The following TRDN variants were observed in gnomAD, a reference collection of about 807,000 sequenced individuals.
TRDN encodes the protein triadin.
A neutral mutation model predicts 149.7 loss-of-function variants in TRDN; 161 were observed. The observed-to-expected ratio is 1.08, with a 90% CI of 0.95 to 1.23. TRDN has a LOEUF of 1.23. Among genes scored for constraint, TRDN ranks in the 50% most tolerant of loss-of-function variants. The pLI, the probability that TRDN is intolerant of heterozygous loss-of-function variation, is 0.00. For missense variants in TRDN, 896 were observed against 823.5 expected, an observed-to-expected ratio of 1.09 and a Z score of -1.08; for synonymous variants, 294 against 250.5, an observed-to-expected ratio of 1.17 and a Z score of -1.64.
At chr6:123,267,831 C>G in intron 31 of TRDN, 80 bp from the exon 32 acceptor site, 7 of 1,112,602 alleles carry the variant, frequency 6.3e-6, no homozygotes, top group Non-Finnish European at 8.8e-6. Flanking sequence ...TGCAAGTGAT[C>G]CTCAGTTTAC....
At chr6:123,257,761 C>A (rs532711884) in intron 35 of TRDN, among the ~76,000 whole-genome samples, 8 of 152,262 alleles carry the variant, frequency 5.3e-5, no homozygotes, top group African/African-American at 1.4e-4. Context: ...TTCTTCCTGT[C>A]CATGAGCATG....
chr6:123,305,369 C>A (rs1778569714), intron 24 of TRDN, among the ~76,000 whole-genome samples: 1 of 152,066 alleles, frequency 6.6e-6, no homozygotes, highest in South Asian at 2.1e-4. Context: ...TAGATTGTAA[C>A]TCTATATATC....
chr6:123,352,169 C>T, intron 21 of TRDN: 1 of 980,598 alleles, frequency 1.0e-6, no homozygotes, highest in Non-Finnish European at 1.2e-6. Flanking sequence ...TAGGATTGGG[C>T]CATCTTTATT....
intron 16 of TRDN, among the ~76,000 whole-genome samples, chr6:123,379,220 A>G (rs1236899105): frequency 6.6e-6 from 1 of 152,204 alleles, no homozygotes; most frequent in Admixed American, 6.5e-5. Flanking sequence ...TGCTACGGTC[A>G]TCACATCAAT....
chr6:123,626,081 G>C (rs1280049944), intron 1 of TRDN, among the ~76,000 whole-genome samples: 1 of 152,136 alleles, frequency 6.6e-6, no homozygotes, highest in Non-Finnish European at 1.5e-5. Flanking sequence ...TCTACTCTAT[G>C]TTATATTCTA....
At chr6:123,341,884 T>C (rs1268957333) in intron 21 of TRDN, among the ~76,000 whole-genome samples, 2 of 151,982 alleles carry the variant, frequency 1.3e-5, no homozygotes, top group African/African-American at 4.8e-5. Context: ...GAATGTGAAA[T>C]AACAGCCTTA....
intron 32 of TRDN, among the ~76,000 whole-genome samples, chr6:123,266,102 ATATC>A (rs1442845547): frequency 1.4e-3 from 179 of 128,042 alleles, no homozygotes; most frequent in African/African-American, 4.7e-3. Context: ...TATATATTAT[ATATC>A]ATATGTATTA....
At chr6:123,314,213 C>G (rs9388221) in intron 24 of TRDN, among the ~76,000 whole-genome samples, 141,260 of 152,080 alleles carry the variant, frequency 0.93, 65,664 homozygotes, top group East Asian at 0.99. Context: ...CTTTTCAATA[C>G]AAGACATACA....
At chr6:123,337,844 AAAC>A (rs1471053972) in intron 21 of TRDN, among the ~76,000 whole-genome samples, 175 bp from the exon 22 acceptor site, 3 of 152,178 alleles carry the variant, frequency 2.0e-5, no homozygotes, top group African/African-American at 7.2e-5. Flanking sequence ...CTAAATATGT[AAAC>A]AATAGAAAAT....
chr6:123,288,400 A>G (rs193284539), intron 24 of TRDN, among the ~76,000 whole-genome samples: 1 of 152,126 alleles, frequency 6.6e-6, no homozygotes, highest in African/African-American at 2.4e-5. Context: ...GAGTGAAACT[A>G]AAAAGCCTCT....
At chr6:123,270,461 GA>G (rs1233648606) in intron 30 of TRDN, among the ~76,000 whole-genome samples, 1 of 151,868 alleles carries the variant, frequency 6.6e-6, no homozygotes, top group Non-Finnish European at 1.5e-5. Context: ...TTATTAGTAA[GA>G]GATGGGATTC....
At chr6:123,354,721 T>C in intron 20 of TRDN, among the ~76,000 whole-genome samples, 1 of 151,614 alleles carries the variant, frequency 6.6e-6, no homozygotes, top group Non-Finnish European at 1.5e-5. Flanking sequence ...ATACATCTAA[T>C]TGAACTTATA....
At chr6:123,432,772 A>G (rs891909963) in intron 12 of TRDN, among the ~76,000 whole-genome samples, 11 of 152,124 alleles carry the variant, frequency 7.2e-5, no homozygotes, top group Non-Finnish European at 1.6e-4. Flanking sequence ...ACATTCACAA[A>G]GTTGATAACT....
At chr6:123,333,409 CT>C (rs1779736373) in intron 22 of TRDN, among the ~76,000 whole-genome samples, 1 of 152,082 alleles carries the variant, frequency 6.6e-6, no homozygotes, top group Non-Finnish European at 1.5e-5. Flanking sequence ...AACAGATACA[CT>C]TTTATAGGAC....
intron 4 of TRDN, among the ~76,000 whole-genome samples, chr6:123,546,523 C>T (rs1408635912): frequency 6.6e-6 from 1 of 152,030 alleles, no homozygotes; most frequent in Non-Finnish European, 1.5e-5. Flanking sequence ...CAACAGCCTG[C>T]CCATGTGTAG....
intron 38 of TRDN, among the ~76,000 whole-genome samples, chr6:123,228,855 C>A (rs1775487602): frequency 6.6e-6 from 1 of 151,812 alleles, no homozygotes; most frequent in Non-Finnish European, 1.5e-5. Flanking sequence ...AGAAGGCATT[C>A]CACTAACCCC....
chr6:123,576,565 GGA>G (rs1562400433), intron 1 of TRDN, among the ~76,000 whole-genome samples: 1 of 151,744 alleles, frequency 6.6e-6, no homozygotes, highest in Non-Finnish European at 1.5e-5. Context: ...TGAGTGGAAC[GGA>G]TGAGGAGTCT....
At chr6:123,483,310 G>C (rs1224888044) in intron 9 of TRDN, among the ~76,000 whole-genome samples, 1 of 151,550 alleles carries the variant, frequency 6.6e-6, no homozygotes, top group Non-Finnish European at 1.5e-5. Context: ...CACCGTGTTA[G>C]CCAGGATGGT....
chr6:123,347,422 G>A (rs1192272934), intron 21 of TRDN, among the ~76,000 whole-genome samples: 1 of 151,712 alleles, frequency 6.6e-6, no homozygotes, highest in East Asian at 1.9e-4. Context: ...TATCCTGTGT[G>A]CCATTATTAC....
Sources: allele counts gnomAD v4.1 joint callset (sites outside exome capture counted in the v4.1 genomes callset), GRCh38; gene constraint gnomAD v4.1.1; transcripts MANE v1.5; gene names NCBI Gene and HGNC (gene_info 2026-07-23, HGNC 2026-07-21).